SCYL2: variants seen among roughly 807,000 people sequenced by gnomAD.
SCYL2 encodes SCY1-like protein 2.
A neutral mutation model predicts 100.4 loss-of-function variants in SCYL2; 36 were observed. That is an observed-to-expected ratio of 0.36 (90% confidence interval 0.27 to 0.47). SCYL2 has a LOEUF of 0.47. Among genes scored for constraint, SCYL2 ranks in the 20% least tolerant of loss-of-function variants. The probability of loss-of-function intolerance (pLI) is 1.00; values close to 1 mark genes in which losing one functional copy is unlikely to be tolerated. For missense variants in SCYL2, 902 were observed against 1,083.9 expected (o/e 0.83, Z 2.36); for synonymous variants, 330 against 359.2 (o/e 0.92, Z 0.92).
At chr12:100,282,814 C>A (rs943031268) in intron 1 of SCYL2, 129 bp from the exon 2 acceptor site, 12 of 416,882 alleles carry the variant, frequency 2.9e-5, no homozygotes, top group African/African-American at 2.3e-4. Flanking sequence ...AACCAACATA[C>A]AACTTTCATC....
chr12:100,280,254 A>G (rs2096296673), intron 1 of SCYL2, among the ~76,000 whole-genome samples: 1 of 152,250 alleles, frequency 6.6e-6, no homozygotes, highest in South Asian at 2.1e-4. Flanking sequence ...ACTTAGAGTA[A>G]TATTTTTAAA....
intron 17 of SCYL2, among the ~76,000 whole-genome samples, chr12:100,338,067 T>TA (rs1284875998): frequency 1.3e-5 from 2 of 152,188 alleles, no homozygotes; most frequent in African/African-American, 4.8e-5. Flanking sequence ...ATTTTTTTGT[T>TA]ACCTCTTAAT....
intron 10 of SCYL2, among the ~76,000 whole-genome samples, chr12:100,321,518 C>T (rs1024931672): frequency 2.6e-5 from 4 of 152,194 alleles, no homozygotes; most frequent in South Asian, 2.1e-4. Flanking sequence ...CAGAATTTGC[C>T]AGTTATCATT....
intron 7 of SCYL2, 84 bp downstream of exon 7, chr12:100,313,622 T>A (rs1332449258): frequency 4.1e-6 from 3 of 725,254 alleles, no homozygotes; most frequent in African/African-American, 3.6e-5. Context: ...TAAAAAAATA[T>A]TTTTCCCCAG....
chr12:100,309,106 T>TTGTGTG (rs143410251), intron 4 of SCYL2, among the ~76,000 whole-genome samples: 16,702 of 148,032 alleles, frequency 0.11, 1,203 homozygotes, highest in Non-Finnish European at 0.17. Context: ...GTATTTTGAT[T>TTGTGTG]TGTGTGTGTG....
chr12:100,268,964 G>T (rs1422318976), intron 1 of SCYL2, among the ~76,000 whole-genome samples: 2 of 152,128 alleles, frequency 1.3e-5, no homozygotes, highest in Non-Finnish European at 1.5e-5. Context: ...CAGTAGTCCT[G>T]TTCCAAGCCA....
In SCYL2 at chr12:100,314,515, A is replaced by G; in HGVS notation, c.996A>G (p.Ala332=). 6.3e-7 allele frequency: 1 copy of G among 1,589,968 alleles called. No homozygotes were observed. Among genetic ancestry groups the G allele is most frequent in the Non-Finnish European group, 8.6e-7 (1 of 1,166,598 alleles). ...TKIPFFDDVG[A]VTLQYFDTLF... is the part of the protein sequence containing the mutation. Reference sequence around the variant, plus strand: ...TTCCCTTCTTTGATGATGTTGGTGCAGTAACACTGCAATATTTTGATACCT... The same window carrying G: ...TTCCCTTCTTTGATGATGTTGGTGCGGTAACACTGCAATATTTTGATACCT... The change falls in exon 8 of 18, where the codon GCA becomes GCG. Residue 332 remains alanine (A), a synonymous_variant. Coordinates refer to ENST00000360820, the MANE Select transcript of SCYL2 (RefSeq NM_017988.6).
intron 1 of SCYL2, among the ~76,000 whole-genome samples, chr12:100,273,492 T>C (rs1592924381): frequency 6.6e-6 from 1 of 152,196 alleles, no homozygotes; most frequent in Non-Finnish European, 1.5e-5. Flanking sequence ...GTTTCTCATA[T>C]GGTATCAGAT....
In SCYL2 at chr12:100,340,225, A is replaced by G. The variant is rs556866989; in HGVS notation, c.*1053A>G. The stretch of plus-strand genomic sequence containing the variant: ...CATTAATTACTGCTACTGAAGTTCA[A>G]TTTTTTTCTAGGAATTTTAGGAACC... On this transcript the variant is annotated 3_prime_UTR_variant, in exon 18 of 18. Coordinates refer to ENST00000360820, the MANE Select transcript of SCYL2 (RefSeq NM_017988.6). 5.2e-5 allele frequency: 8 copies of G among 152,550 alleles called. No homozygotes were observed. Among genetic ancestry groups the G allele is most frequent in the Admixed American group, 3.9e-4 (6 of 15,264 alleles). The allele number at this position is 152,550 out of a possible 1,614,324, so 9.4% of individuals were successfully genotyped here.
rs1405621712 is a variant in SCYL2 at position 100,319,101 on chromosome 12, A to G, written c.1395+1176A>G. ...TTTTAAGTTATTTACTCTAAAGTTAATATGAACCTAATACTACATATTTAA... is the reference window on the plus strand; with the variant it reads ...TTTTAAGTTATTTACTCTAAAGTTAGTATGAACCTAATACTACATATTTAA... On this transcript the variant is annotated intron_variant, in intron 10 of 17. Coordinates refer to ENST00000360820, the MANE Select transcript of SCYL2 (RefSeq NM_017988.6). 2.3e-5 allele frequency: 8 copies of G among 354,324 alleles called. No homozygotes were observed. In the East Asian group the frequency reaches 6.1e-4, roughly 27 times the overall value. The allele number at this position is 354,324 out of a possible 1,614,324, so 21.9% of individuals were successfully genotyped here.
intron 2 of SCYL2, among the ~76,000 whole-genome samples, chr12:100,284,985 A>T (rs78974843): frequency 6.6e-6 from 1 of 152,146 alleles, no homozygotes; most frequent in Non-Finnish European, 1.5e-5. Flanking sequence ...CAACATGTGC[A>T]ATGTAGGGAG....
intron 3 of SCYL2, 80 bp from the exon 4 acceptor site, chr12:100,297,951 A>G (rs1448078176): frequency 2.8e-6 from 3 of 1,059,524 alleles, no homozygotes; most frequent in Non-Finnish European, 2.7e-6. Flanking sequence ...GTTTAATAGG[A>G]GCACTAATAT....
intron 4 of SCYL2, among the ~76,000 whole-genome samples, 190 bp downstream of exon 4, chr12:100,298,365 A>T (rs1300360634): frequency 1.3e-5 from 2 of 152,334 alleles, no homozygotes; most frequent in Admixed American, 1.3e-4. Context: ...TATTTTAAAT[A>T]TATCAAACTG....
rs76807378 is a variant in SCYL2, at chr12:100,337,421, C to G, written c.2060C>G (p.Ala687Gly). Reference protein sequence around the residue: ...SLTLEEKQKLAKEQEQAQKLK... With the variant: ...SLTLEEKQKLGKEQEQAQKLK... Reference sequence around the variant, plus strand: ...ACACTTGAAGAAAAACAAAAATTAGCAAAAGAACAAGAGCAGGCACAGAAG... The same window carrying G: ...ACACTTGAAGAAAAACAAAAATTAGGAAAAGAACAAGAGCAGGCACAGAAG... Residue 687 changes from alanine to glycine, a missense_variant, in exon 17 of 18, where the codon GCA (alanine) becomes GGA (glycine). By Grantham distance (60) the Ala-to-Gly change is moderately conservative (BLOSUM62 0). Coordinates refer to ENST00000360820, the MANE Select transcript of SCYL2 (RefSeq NM_017988.6). 1 of 1,601,056 alleles carries G rather than the reference C, an allele frequency of 6.2e-7. No homozygotes were observed. The highest frequency in any genetic ancestry group is 8.5e-7 in the Non-Finnish European group (1 of 1,176,966).
At chr12:100,308,280 A>G (rs539528221) in intron 4 of SCYL2, among the ~76,000 whole-genome samples, 1 of 152,238 alleles carries the variant, frequency 6.6e-6, no homozygotes, top group African/African-American at 2.4e-5. Context: ...AATGTGGCAC[A>G]TATACACCAT....
intron 1 of SCYL2, among the ~76,000 whole-genome samples, chr12:100,279,622 T>C (rs543695041): frequency 6.6e-6 from 1 of 152,350 alleles, no homozygotes; most frequent in East Asian, 1.9e-4. Context: ...CTTTGGTCAT[T>C]TGATAATTGA....
chr12:100,268,727 T>C lies in SCYL2; in HGVS notation c.-29+935T>C, dbSNP rs573529814. On this transcript the variant is annotated intron_variant, in intron 1 of 17. Transcript: ENST00000360820. ...CCCTGTTACTGGGAATAACTACTCA[T>C]ATTCACATGTTTGAAATTCATGATA... Among the ~76,000 whole-genome samples the C allele has an allele frequency of 3.1e-4, 47 of 152,312 alleles. No individual in the cohort carries two copies. In the South Asian group the frequency reaches 7.7e-3, roughly 25 times the overall value.
chr12:100,305,435 AAAT>A (rs1291137309), intron 4 of SCYL2, among the ~76,000 whole-genome samples: 2 of 152,232 alleles, frequency 1.3e-5, no homozygotes, highest in Admixed American at 1.3e-4. Context: ...AGGCAGAAAT[AAAT>A]AAGTTCTTTG....
intron 1 of SCYL2, 94 bp downstream of exon 1, chr12:100,267,886 C>G (rs1278378376): frequency 6.6e-6 from 1 of 152,410 alleles, no homozygotes; most frequent in East Asian, 1.9e-4. Context: ...CTGACAGTAG[C>G]TTTAGTTCTG....
Sources: gnomAD v4.1 joint callset for allele counts (sites outside exome capture counted in the v4.1 genomes callset) on GRCh38, gnomAD v4.1.1 for gene constraint, MANE v1.5 for transcripts, NCBI Gene and HGNC (gene_info 2026-07-23, HGNC 2026-07-21) for gene names.